Variants in EBPL observed in about 807,000 individuals in gnomAD.
EBPL encodes the protein emopamil-binding protein-like.
Under a neutral mutation model 19.0 loss-of-function variants are expected in EBPL, and 20 were observed. The observed-to-expected ratio is 1.05, with a 90% CI of 0.74 to 1.53. The LOEUF (loss-of-function observed/expected upper bound fraction) is 1.53, where lower values mean the gene tolerates loss of function less well. Among genes scored for constraint, EBPL ranks in the 40% most tolerant of loss-of-function variants. The probability of loss-of-function intolerance (pLI) is 0.00; values close to 1 mark genes in which losing one functional copy is unlikely to be tolerated. For synonymous variants in EBPL, 107 were observed against 117.0 expected, an observed-to-expected ratio of 0.91 and a Z score of 0.55; for missense variants, 219 against 261.1, an observed-to-expected ratio of 0.84 and a Z score of 1.11.
chr13:49,689,997 A>G (rs931252344), intron 1 of EBPL, among the ~76,000 whole-genome samples: 4 of 152,064 alleles, frequency 2.6e-5, no homozygotes, highest in African/African-American at 9.7e-5. Context: ...TAAAAACACA[A>G]AAATTAGCTG....
At chr13:49,664,763 G>A (rs1965201317) in intron 2 of EBPL, among the ~76,000 whole-genome samples, 1 of 152,028 alleles carries the variant, frequency 6.6e-6, no homozygotes. Flanking sequence ...AAAGACCAGA[G>A]GAAGGATCCC....
At chr13:49,661,600 C>T (rs1594401834) in intron 3 of EBPL, among the ~76,000 whole-genome samples, 1 of 152,120 alleles carries the variant, frequency 6.6e-6, no homozygotes, top group Middle Eastern at 3.4e-3. Flanking sequence ...GTAGTGCAGA[C>T]TAAATGAGAT....
chr13:49,661,252 C>G (rs550099444), intron 3 of EBPL, 44 bp from the exon 4 acceptor site: 3 of 1,504,474 alleles, frequency 2.0e-6, no homozygotes, highest in South Asian at 2.4e-5. Context: ...CAGCTTGGCA[C>G]AGTTTGGCAT....
At chr13:49,690,991 A>G (rs192193355) in intron 1 of EBPL, among the ~76,000 whole-genome samples, 96 of 152,288 alleles carry the variant, frequency 6.3e-4, no homozygotes, top group South Asian at 1.7e-3. Flanking sequence ...TATCTTCTAA[A>G]CTAACATAGC....
chr13:49,686,402 C>A, intron 1 of EBPL: 1 of 1,234,942 alleles, frequency 8.1e-7, no homozygotes, highest in Non-Finnish European at 1.0e-6. Context: ...GGCCTATAAG[C>A]CTTTGGCTTC....
chr13:49,690,428 A>C (rs1262633309), intron 1 of EBPL, among the ~76,000 whole-genome samples: 3 of 151,984 alleles, frequency 2.0e-5, no homozygotes, highest in East Asian at 3.9e-4. Context: ...CAAAAAAAAA[A>C]AAAAACAAAC....
At chr13:49,666,604 C>T (rs1473852975) in intron 2 of EBPL, among the ~76,000 whole-genome samples, 5 of 144,660 alleles carry the variant, frequency 3.5e-5, no homozygotes, top group Non-Finnish European at 6.0e-5. Context: ...CCCAGCTACT[C>T]GGGAGGCTGA....
chr13:49,661,878 T>C (rs1254324127), intron 3 of EBPL: 1 of 1,550,628 alleles, frequency 6.4e-7, no homozygotes, highest in Non-Finnish European at 8.7e-7. Context: ...GAAATTGTTT[T>C]AGGGATTCAT....
intron 2 of EBPL, among the ~76,000 whole-genome samples, chr13:49,665,506 G>A (rs1175708655): frequency 1.3e-5 from 2 of 152,110 alleles, no homozygotes; most frequent in Non-Finnish European, 2.9e-5. Flanking sequence ...CCTGACCTCA[G>A]GTGATCCACC....
At position 49,679,892 on chromosome 13, in the gene EBPL, T is replaced by C. The variant is rs560947225; in HGVS notation, c.172-10046A>G. ...AAAAAATAGAGTCAAGCTATATATA[T>C]ATATTAGTCAATATATGTCTAGTGA... is the stretch of plus-strand genomic sequence containing the variant. On this transcript the variant is annotated intron_variant, in intron 1 of 3. Coordinates refer to ENST00000242827, the MANE Select transcript of EBPL (RefSeq NM_032565.5). Among the ~76,000 whole-genome samples, 9 of 145,396 alleles carry C rather than the reference T, an allele frequency of 6.2e-5. No individual in the cohort carries two copies. The East Asian group carries it at 1.7e-3, about 28-fold the overall frequency.
In EBPL at chr13:49,664,653, G is replaced by A. The variant is rs528437356; in HGVS notation, c.242-1458C>T. 2.6e-5 allele frequency among the ~76,000 whole-genome samples: 4 copies of A among 152,068 alleles called. No individual in the cohort carries two copies. In the East Asian group the frequency reaches 5.8e-4, roughly 22 times the overall value. On this transcript the variant is annotated intron_variant, in intron 2 of 3. Transcript: ENST00000242827. Reference sequence around the variant, plus strand: ...GAAAAAATGGAAGTGATCACACCTCGTCTCCCCCTTTAATACTGCCTCGCA... The same window carrying A: ...GAAAAAATGGAAGTGATCACACCTCATCTCCCCCTTTAATACTGCCTCGCA...
intron 2 of EBPL, among the ~76,000 whole-genome samples, chr13:49,663,833 G>A (rs138736881): frequency 6.6e-6 from 1 of 151,910 alleles, no homozygotes; most frequent in Non-Finnish European, 1.5e-5. Flanking sequence ...GCTGAGGCAG[G>A]AGAATGGCAT....
At position 49,660,741 on chromosome 13, in the gene EBPL, TTTA is replaced by T; in HGVS notation, c.*224_*226del. ...AGCCATAAAATGTATAATTAAACAT[TTTA>T]TTATTACAAATTCAAATTTGTTCTC... On this transcript the variant is annotated 3_prime_UTR_variant, in exon 4 of 4. Transcript: ENST00000242827. 4.5e-6 allele frequency: 2 copies of T among 443,684 alleles called. No homozygotes were observed. Among genetic ancestry groups the T allele is most frequent in the Non-Finnish European group, 7.9e-6 (2 of 251,902 alleles). The allele number at this position is 443,684 out of a possible 1,614,324, so 27.5% of individuals were successfully genotyped here. A position where few individuals can be genotyped will look rare whatever the true frequency, so the allele number is the denominator to read the frequency against.
intron 1 of EBPL, among the ~76,000 whole-genome samples, chr13:49,672,824 C>G (rs1421527062): frequency 6.6e-6 from 1 of 152,120 alleles, no homozygotes; most frequent in African/African-American, 2.4e-5. Context: ...CTTTGGGAGG[C>G]CTGGGCGGGC....
At chr13:49,682,663 G>A (rs1368213425) in intron 1 of EBPL, among the ~76,000 whole-genome samples, 1 of 152,238 alleles carries the variant, frequency 6.6e-6, no homozygotes, top group African/African-American at 2.4e-5. Flanking sequence ...ACTACGCTAA[G>A]TTATAAGGCT....
At chr13:49,662,913 G>T in intron 3 of EBPL, 144 bp downstream of exon 3, 12 of 1,078,074 alleles carry the variant, frequency 1.1e-5, no homozygotes, top group Non-Finnish European at 1.6e-5. Context: ...TGGGATTACA[G>T]GTGGGAGCCA....
Position 49,668,585 on chromosome 13 carries a change from A to C in EBPL, c.241+1192T>G, listed in dbSNP as rs1442587811. ...CGAGACTCGCCTGAAAAAAAAAAGA[A>C]AAAAAAGAAATGAGATAAATGATGC... On this transcript the variant is annotated intron_variant, in intron 2 of 3. Coordinates refer to ENST00000242827, the MANE Select transcript of EBPL (RefSeq NM_032565.5). 3 of 432,990 alleles carry C rather than the reference A, an allele frequency of 6.9e-6. 1 individual carries two copies. Among genetic ancestry groups the C allele is most frequent in the African/African-American group, 6.2e-5 (3 of 48,070 alleles). The allele number at this position is 432,990 out of a possible 1,614,324, so 26.8% of individuals were successfully genotyped here.
At chr13:49,666,750 C>T (rs967017382) in intron 2 of EBPL, among the ~76,000 whole-genome samples, 10 of 143,752 alleles carry the variant, frequency 7.0e-5, no homozygotes, top group African/African-American at 2.3e-4. Context: ...ATTAGCTGGG[C>T]GTGGTGGCGC....
intron 1 of EBPL, among the ~76,000 whole-genome samples, chr13:49,670,962 T>C (rs1953809636): frequency 6.6e-6 from 1 of 152,234 alleles, no homozygotes; most frequent in South Asian, 2.1e-4. Flanking sequence ...ACATATTTGT[T>C]TTCCCTGTTT....
Sources: allele counts gnomAD v4.1 joint callset (sites outside exome capture counted in the v4.1 genomes callset), GRCh38; gene constraint gnomAD v4.1.1; transcripts MANE v1.5; gene names NCBI Gene and HGNC (gene_info 2026-07-23, HGNC 2026-07-21).